KCNK9: variants seen among roughly 807,000 people sequenced by gnomAD.
KCNK9 encodes the protein potassium channel subfamily K member 9.
In KCNK9, 1 loss-of-function variant was observed where a neutral mutation model predicts 10.8. The ratio of observed to expected loss-of-function variants is 0.09; its 90% CI spans 0.03 to 0.44. KCNK9 has a LOEUF of 0.44. KCNK9 is among the 20% of genes least tolerant of loss of function. The pLI, the probability that KCNK9 is intolerant of heterozygous loss-of-function variation, is 0.97. For synonymous variants in KCNK9, 231 were observed against 222.7 expected (o/e 1.04, Z -0.33); for missense variants, 303 against 515.0 (o/e 0.59, Z 3.98).
chr8:139,686,519 A>G (rs117021149), intron 1 of KCNK9, among the ~76,000 whole-genome samples: 1 of 152,246 alleles, frequency 6.6e-6, no homozygotes, highest in East Asian at 1.9e-4. Context: ...AAAAATGCAC[A>G]TTAGCAATTT....
At chr8:139,690,409 T>G (rs920482521) in intron 1 of KCNK9, among the ~76,000 whole-genome samples, 1 of 152,214 alleles carries the variant, frequency 6.6e-6, no homozygotes, top group Non-Finnish European at 1.5e-5. Context: ...GGTAAGAGAA[T>G]TGAGGTCACA....
intron 1 of KCNK9, among the ~76,000 whole-genome samples, chr8:139,656,810 C>G: frequency 6.6e-6 from 1 of 152,186 alleles, no homozygotes; most frequent in Non-Finnish European, 1.5e-5. Flanking sequence ...CTCTCAGGGC[C>G]TCCCTGGAGC....
intron 1 of KCNK9, among the ~76,000 whole-genome samples, chr8:139,676,664 A>C (rs2129750141): frequency 6.6e-6 from 1 of 152,336 alleles, no homozygotes; most frequent in East Asian, 1.9e-4. Context: ...AAATACGTGA[A>C]TCATGGCCGA....
At chr8:139,667,064 A>C (rs561063312) in intron 1 of KCNK9, among the ~76,000 whole-genome samples, 1 of 152,240 alleles carries the variant, frequency 6.6e-6, no homozygotes, top group South Asian at 2.1e-4. Context: ...GGCTTGGTGC[A>C]GACCAGACAG....
intron 1 of KCNK9, among the ~76,000 whole-genome samples, chr8:139,690,333 T>C (rs1586695276): frequency 6.6e-6 from 1 of 152,302 alleles, no homozygotes; most frequent in South Asian, 2.1e-4. Flanking sequence ...ATGGAATTAA[T>C]TGAGATAGTG....
chr8:139,631,574 C>G (rs1815173128), intron 1 of KCNK9, among the ~76,000 whole-genome samples: 1 of 152,206 alleles, frequency 6.6e-6, no homozygotes, highest in Non-Finnish European at 1.5e-5. Flanking sequence ...GCCTCCACCC[C>G]TTTCCAGCAA....
At chr8:139,664,900 G>A (rs1439890328) in intron 1 of KCNK9, among the ~76,000 whole-genome samples, 1 of 152,058 alleles carries the variant, frequency 6.6e-6, no homozygotes, top group East Asian at 1.9e-4. Flanking sequence ...GCAGAAGGGA[G>A]GGAAAGATAA....
At chr8:139,676,838 G>A (rs1816561028) in intron 1 of KCNK9, among the ~76,000 whole-genome samples, 1 of 152,170 alleles carries the variant, frequency 6.6e-6, no homozygotes, top group Admixed American at 6.5e-5. Flanking sequence ...TGTAATCCCA[G>A]CTATTTGGGA....
At chr8:139,634,350 C>A (rs183902926) in intron 1 of KCNK9, among the ~76,000 whole-genome samples, 73 of 152,274 alleles carry the variant, frequency 4.8e-4, no homozygotes, top group Admixed American at 2.4e-3. Flanking sequence ...ATGGGAAAGG[C>A]AGGCATCCAG....
At chr8:139,633,375 G>T (rs1411470707) in intron 1 of KCNK9, among the ~76,000 whole-genome samples, 1 of 152,116 alleles carries the variant, frequency 6.6e-6, no homozygotes, top group Non-Finnish European at 1.5e-5. Flanking sequence ...CTGGCACATA[G>T]TCACTCAGTA....
At chr8:139,645,152 G>T (rs143049886) in intron 1 of KCNK9, among the ~76,000 whole-genome samples, 94 of 152,326 alleles carry the variant, frequency 6.2e-4, no homozygotes, top group African/African-American at 2.2e-3. Context: ...CCCACCAAGT[G>T]CTCCAGAGTC....
Position 139,618,072 on chromosome 8 carries a change from T to TG in KCNK9, c.*185dup. 1 of 730,452 alleles carries TG rather than the reference T, an allele frequency of 1.4e-6. No individual in the cohort carries two copies. Among genetic ancestry groups the TG allele is most frequent in the Non-Finnish European group, 2.2e-6 (1 of 454,066 alleles). 45.2% of individuals were successfully genotyped at this position (730,452 alleles called of 1,614,324 possible). A position where few individuals can be genotyped will look rare whatever the true frequency, so the allele number is the denominator to read the frequency against. ...AGGAGGATGGGCCTGTATTTCCCTT[T>TG]GGCCTGCTCTGTCTGGCTGGAAAGG... On this transcript the variant is annotated 3_prime_UTR_variant, in exon 2 of 2. Coordinates refer to ENST00000520439, the MANE Select transcript of KCNK9 (RefSeq NM_001282534.2). The surrounding 1 kb of genome is among the most constrained non-coding windows in gnomAD (Gnocchi z 7.9).
intron 1 of KCNK9, among the ~76,000 whole-genome samples, chr8:139,623,886 G>A (rs755186251): frequency 3.3e-5 from 5 of 152,148 alleles, no homozygotes; most frequent in South Asian, 2.1e-4. Flanking sequence ...CCAGAGGGGC[G>A]CCTCCGACTG....
intron 1 of KCNK9, among the ~76,000 whole-genome samples, chr8:139,665,153 G>A (rs552146428): frequency 8.3e-4 from 127 of 152,328 alleles, no homozygotes; most frequent in Non-Finnish European, 1.4e-3. Context: ...GTTAGAAGTT[G>A]CAATGGGCCT....
At chr8:139,658,912 G>A (rs1424987037) in intron 1 of KCNK9, among the ~76,000 whole-genome samples, 2 of 152,256 alleles carry the variant, frequency 1.3e-5, no homozygotes, top group African/African-American at 4.8e-5. Context: ...GCTGACCACT[G>A]CTGTGGATGA....
chr8:139,696,743 G>GTGGA (rs540183564), intron 1 of KCNK9, among the ~76,000 whole-genome samples: 9,931 of 147,914 alleles, frequency 0.067, 412 homozygotes, highest in African/African-American at 0.12. Flanking sequence ...AGATGAGTGG[G>GTGGA]TGGATGGATG....
chr8:139,628,730 C>T (rs1479309213), intron 1 of KCNK9, among the ~76,000 whole-genome samples: 2 of 152,194 alleles, frequency 1.3e-5, no homozygotes, highest in Non-Finnish European at 1.5e-5. Context: ...CATTTGATGC[C>T]TTAAGGGGGG....
chr8:139,680,383 G>C (rs927869397), intron 1 of KCNK9, among the ~76,000 whole-genome samples: 1 of 152,166 alleles, frequency 6.6e-6, no homozygotes, highest in Admixed American at 6.5e-5. Flanking sequence ...CCATTATCCC[G>C]GGCCTACAAG....
intron 1 of KCNK9, among the ~76,000 whole-genome samples, chr8:139,649,742 TG>T (rs1563734962): frequency 6.6e-6 from 1 of 152,178 alleles, no homozygotes; most frequent in Admixed American, 6.5e-5. Context: ...TGTGTAACCC[TG>T]GGGGGAAAAA....
Sources: gnomAD v4.1 joint callset for allele counts (sites outside exome capture counted in the v4.1 genomes callset) on GRCh38, gnomAD v4.1.1 for gene constraint, Gnocchi (gnomAD v3.1) non-coding constraint, MANE v1.5 for transcripts, NCBI Gene and HGNC (gene_info 2026-07-23, HGNC 2026-07-21) for gene names.